The following ITPKB variants were observed in gnomAD, a reference collection of about 807,000 sequenced individuals.
ITPKB encodes inositol-trisphosphate 3-kinase B.
A neutral mutation model predicts 69.4 loss-of-function variants in ITPKB; 13 were observed. The observed-to-expected ratio is 0.19, with a 90% confidence interval of 0.12 to 0.30. The LOEUF (loss-of-function observed/expected upper bound fraction) is 0.30. ITPKB is among the 10% of genes least tolerant of loss of function. The pLI is 1.00. For synonymous variants in ITPKB, 584 were observed against 513.7 expected (o/e 1.14, Z -1.85); for missense variants, 1,240 against 1,250.5 (o/e 0.99, Z 0.13).
At chr1:226,660,317 G>A (rs780157489) in intron 2 of ITPKB, among the ~76,000 whole-genome samples, 2 of 152,190 alleles carry the variant, frequency 1.3e-5, no homozygotes, top group Non-Finnish European at 2.9e-5. Flanking sequence ...CTTCCTTAGC[G>A]ACTCTTTCAG....
Position 226,737,197 on chromosome 1 carries a change from T to C in ITPKB, c.262A>G (p.Ser88Gly), listed in dbSNP as rs1219418145. The C allele has an allele frequency of 6.3e-7, 1 of 1,587,318 alleles. No individual in the cohort carries two copies. Among genetic ancestry groups the C allele is most frequent in the African/African-American group, 1.3e-5 (1 of 74,574 alleles). Residue 88 changes from serine (S) to glycine (G), a missense_variant, in exon 2 of 8, where the codon AGT (serine) becomes GGT (glycine). Transcript: ENST00000429204. ...CTACTGCCGCTGCTGCCGCTGCCAC[T>C]GCCGCTGCTACTATTCAGCCTGCGC... ...GRRRLNSSSG[S>G]GSGSSGSSVS...
intron 2 of ITPKB, among the ~76,000 whole-genome samples, chr1:226,732,228 TTTTTTG>T: frequency 6.6e-6 from 1 of 151,664 alleles, no homozygotes; most frequent in East Asian, 1.9e-4. Flanking sequence ...TAGGCCAGTG[TTTTTTG>T]TTTTTGTTTT....
intron 2 of ITPKB, among the ~76,000 whole-genome samples, chr1:226,728,429 T>C (rs572649458): frequency 5.9e-5 from 9 of 152,344 alleles, no homozygotes; most frequent in African/African-American, 2.2e-4. Context: ...AGCCTGAGTG[T>C]TGGCTTGCCT....
intron 2 of ITPKB, among the ~76,000 whole-genome samples, chr1:226,670,209 A>C (rs1448714798): frequency 7.0e-6 from 1 of 143,572 alleles, no homozygotes; most frequent in Non-Finnish European, 1.5e-5. Flanking sequence ...AAAAAATTTC[A>C]ATAGTGAATC....
At chr1:226,689,279 AC>A (rs1272839905) in intron 2 of ITPKB, among the ~76,000 whole-genome samples, 2 of 152,054 alleles carry the variant, frequency 1.3e-5, no homozygotes, top group Admixed American at 1.3e-4. Flanking sequence ...TTCAAAGCCT[AC>A]CCCCTTAGAA....
At chr1:226,667,853 T>TGTGTGTGTGTGC in intron 2 of ITPKB, among the ~76,000 whole-genome samples, 1 of 141,746 alleles carries the variant, frequency 7.1e-6, no homozygotes, top group South Asian at 2.2e-4. Context: ...TGTGTGTGTG[T>TGTGTGTGTGTGC]GCGCGCGCGC....
chr1:226,703,433 C>T (rs549932939), intron 2 of ITPKB, among the ~76,000 whole-genome samples: 6 of 152,332 alleles, frequency 3.9e-5, no homozygotes, highest in African/African-American at 1.2e-4. Flanking sequence ...TCGGGCAGGG[C>T]GGTGAAGCAG....
At chr1:226,667,863 CGT>C (rs1010358749) in intron 2 of ITPKB, among the ~76,000 whole-genome samples, 11 of 111,076 alleles carry the variant, frequency 9.9e-5, no homozygotes, top group African/African-American at 3.4e-4. Flanking sequence ...TGCGCGCGCG[CGT>C]GCGAAGTGGA....
At chr1:226,737,798 G>A (rs975737276) in intron 1 of ITPKB, 135 bp from the exon 2 acceptor site, 4 of 174,694 alleles carry the variant, frequency 2.3e-5, no homozygotes, top group Non-Finnish European at 4.6e-5. Flanking sequence ...TCTCACCTAT[G>A]GGGACGGCGA....
intron 4 of ITPKB, among the ~76,000 whole-genome samples, chr1:226,643,324 C>A (rs1669000584): frequency 1.3e-5 from 2 of 152,242 alleles, no homozygotes; most frequent in East Asian, 3.8e-4. Flanking sequence ...CACCCCCGCT[C>A]CTCTGCTCTC....
intron 2 of ITPKB, among the ~76,000 whole-genome samples, chr1:226,673,317 G>A (rs1295962741): frequency 2.0e-5 from 3 of 152,218 alleles, no homozygotes; most frequent in Non-Finnish European, 4.4e-5. Flanking sequence ...AGGCTGCCAT[G>A]TTCGTGCCAC....
chr1:226,711,245 T>C (rs1656941490), intron 2 of ITPKB, among the ~76,000 whole-genome samples: 1 of 152,112 alleles, frequency 6.6e-6, no homozygotes, highest in Non-Finnish European at 1.5e-5. Context: ...TGACAGGACA[T>C]TTCTCAGCCT....
At chr1:226,651,876 G>A (rs182750266) in intron 2 of ITPKB, among the ~76,000 whole-genome samples, 35 of 152,218 alleles carry the variant, frequency 2.3e-4, no homozygotes, top group Admixed American at 3.9e-4. Context: ...CACCTTTACC[G>A]CTTGGCTCCC....
At chr1:226,649,442 C>CGT (rs34793811) in intron 2 of ITPKB, among the ~76,000 whole-genome samples, 5 of 135,828 alleles carry the variant, frequency 3.7e-5, no homozygotes, top group South Asian at 2.3e-4. Flanking sequence ...CGTATGTGTG[C>CGT]GTGTGTGTGC....
intron 2 of ITPKB, among the ~76,000 whole-genome samples, chr1:226,729,978 G>A (rs1657539938): frequency 6.6e-6 from 1 of 152,108 alleles, no homozygotes; most frequent in Non-Finnish European, 1.5e-5. Flanking sequence ...TGTCAACCAA[G>A]GAGACTTGAA....
At chr1:226,635,651 C>A (rs537729094) in intron 7 of ITPKB, among the ~76,000 whole-genome samples, 3 of 152,318 alleles carry the variant, frequency 2.0e-5, no homozygotes, top group Admixed American at 1.3e-4. Flanking sequence ...CCAGGAGCGT[C>A]CAAACTATCC....
Position 226,634,677 on chromosome 1 carries a change from G to T in ITPKB, c.2835C>A (p.Leu945=), listed in dbSNP as rs186433398. Residue 945 remains leucine (L), a synonymous_variant, in exon 8 of 8, where the codon CTC becomes CTA. Transcript: ENST00000429204. The surrounding 1 kb of genome is among the most constrained non-coding windows in gnomAD (Gnocchi z 6.3). The part of the protein sequence containing the change: ...ILTEMSQDAP[L]A ...CAGGGAGGGCGTGGGCAGCTCAGGCGAGTGGGGCATCCTGGGACATCTCGG... is the reference window on the plus strand; with the variant it reads ...CAGGGAGGGCGTGGGCAGCTCAGGCTAGTGGGGCATCCTGGGACATCTCGG... 2 of 819,208 alleles carry T rather than the reference G, an allele frequency of 2.4e-6. No individual in the cohort carries two copies. The highest frequency in any genetic ancestry group is 4.4e-6 in the Non-Finnish European group (2 of 453,364). 50.7% of individuals were successfully genotyped at this position (819,208 alleles called of 1,614,324 possible). A position where few individuals can be genotyped will look rare whatever the true frequency, so the allele number is the denominator to read the frequency against.
chr1:226,731,644 G>T (rs1421709709), intron 2 of ITPKB, among the ~76,000 whole-genome samples: 2 of 152,150 alleles, frequency 1.3e-5, no homozygotes, highest in Non-Finnish European at 2.9e-5. Flanking sequence ...CAGAGCCCAT[G>T]AGTGTGTCCT....
At chr1:226,694,929 C>T (rs1024025680) in intron 2 of ITPKB, among the ~76,000 whole-genome samples, 5 of 152,250 alleles carry the variant, frequency 3.3e-5, no homozygotes, top group African/African-American at 1.2e-4. Context: ...TCTTCCAACT[C>T]TTTCAAAAAG....
Sources: gnomAD v4.1 joint callset for allele counts (sites outside exome capture counted in the v4.1 genomes callset) on GRCh38, gnomAD v4.1.1 for gene constraint, Gnocchi (gnomAD v3.1) non-coding constraint, MANE v1.5 for transcripts, NCBI Gene and HGNC (gene_info 2026-07-23, HGNC 2026-07-21) for gene names.